Variants in SLC12A7 observed in about 807,000 individuals in gnomAD.
The protein encoded by SLC12A7 is solute carrier family 12 member 7, also known as K-Cl cotransporter 4.
SLC12A7 carries 100 observed loss-of-function variants against 120.6 expected under a neutral mutation model. The ratio of observed to expected loss-of-function variants is 0.83; its 90% CI spans 0.71 to 0.98. The LOEUF (loss-of-function observed/expected upper bound fraction) is 0.98. SLC12A7 is among the 50% of genes least tolerant of loss of function. The probability of loss-of-function intolerance (pLI) is 0.00; values close to 1 mark genes in which losing one functional copy is unlikely to be tolerated. For synonymous variants in SLC12A7, 760 were observed against 678.0 expected (o/e 1.12, Z -1.88); for missense variants, 1,373 against 1,548.1 (o/e 0.89, Z 1.90).
At chr5:1,143,032 C>T in the SLC12A7 span, among the ~76,000 whole-genome samples, 61 of 152,056 alleles carry the variant, frequency 4.0e-4, no homozygotes, top group Non-Finnish European at 6.3e-4. Context: ...GTTCCCGTGC[C>T]GGGCACCACA....
the SLC12A7 span, among the ~76,000 whole-genome samples, chr5:1,125,268 AGTGTGTGTGT>A: frequency 1.5e-4 from 23 of 150,368 alleles, no homozygotes; most frequent in Non-Finnish European, 2.1e-4. Flanking sequence ...TTTAAACGAA[AGTGTGTGTGT>A]GTGTGTGTGT....
Position 1,088,359 on chromosome 5 carries a change from G to A in SLC12A7, c.491C>T (p.Thr164Ile). 1 of 1,578,932 alleles carries A rather than the reference G, an allele frequency of 6.3e-7. No homozygotes were observed. The highest frequency in any genetic ancestry group is 8.6e-7 in the Non-Finnish European group (1 of 1,162,418). Residue 164 changes from threonine (T) to isoleucine (I), a missense_variant and splice_region_variant, in exon 5 of 24, where the codon ACA becomes ATA. Transcript: ENST00000264930. ...ACTCATGGAAATGGCGGTCAGCATT[G>A]TCTGCAAAAAGACAGGCAGCCATCT... The part of the protein sequence containing the change: ...FLIVAMCCTC[T>I]MLTAISMSAI...
chr5:1,090,122 G>C (rs913951433), intron 3 of SLC12A7, among the ~76,000 whole-genome samples: 3 of 152,254 alleles, frequency 2.0e-5, no homozygotes, highest in South Asian at 2.1e-4. Flanking sequence ...CCCAGGCCTG[G>C]GGAGGATGGG....
At chr5:1,089,449 G>C (rs1390110229) in intron 3 of SLC12A7, among the ~76,000 whole-genome samples, 1 of 152,072 alleles carries the variant, frequency 6.6e-6, no homozygotes, top group Non-Finnish European at 1.5e-5. Context: ...GAGAACGAGA[G>C]GGCCCCCGGC....
chr5:1,116,395 G>T (rs946052279), upstream of SLC12A7, among the ~76,000 whole-genome samples: 1 of 152,204 alleles, frequency 6.6e-6, no homozygotes, highest in Non-Finnish European at 1.5e-5. Flanking sequence ...AGCCTCCCCC[G>T]GGTCCTGTGC....
At chr5:1,102,069 C>G (rs1222871218) in intron 1 of SLC12A7, among the ~76,000 whole-genome samples, 1 of 152,218 alleles carries the variant, frequency 6.6e-6, no homozygotes, top group African/African-American at 2.4e-5. Flanking sequence ...GTAAGCAGAT[C>G]CTGATGGGCT....
At chr5:1,088,906 C>T (rs557772888) in intron 4 of SLC12A7, 76 bp downstream of exon 4, 43 of 1,567,534 alleles carry the variant, frequency 2.7e-5, no homozygotes, top group East Asian at 2.0e-4. Flanking sequence ...CCAGGGGAGA[C>T]GGCATCTGGG....
the SLC12A7 span, among the ~76,000 whole-genome samples, chr5:1,139,059 G>A: frequency 9.5e-6 from 1 of 104,842 alleles, no homozygotes; most frequent in Non-Finnish European, 1.8e-5. Context: ...CCTCACCCAA[G>A]CTTGGGGTGG....
chr5:1,086,772 C>G, intron 6 of SLC12A7, 131 bp downstream of exon 6: 1 of 1,279,862 alleles, frequency 7.8e-7, no homozygotes, highest in South Asian at 1.4e-5. Flanking sequence ...CAGGAGAGCC[C>G]AGGGGCAGCC....
At chr5:1,142,558 C>T in the SLC12A7 span, among the ~76,000 whole-genome samples, 1 of 127,130 alleles carries the variant, frequency 7.9e-6, no homozygotes, top group East Asian at 2.4e-4. Context: ...GTGTGTCTCT[C>T]TCTCTGTCTC....
chr5:1,102,873 C>G (rs1470043694), intron 1 of SLC12A7, among the ~76,000 whole-genome samples: 1 of 152,124 alleles, frequency 6.6e-6, no homozygotes, highest in African/African-American at 2.4e-5. Context: ...CCCAGGAGCA[C>G]CCCCCACCCA....
In SLC12A7 at chr5:1,050,989, T is replaced by C. The variant is rs1734973899; in HGVS notation, c.*1371A>G. On this transcript the variant is annotated 3_prime_UTR_variant, in exon 24 of 24. Transcript: ENST00000264930. ...AGGCCTGGCCATCTGGGGCCTCTAG[T>C]ATATAGAAGCAACCTCTTTATGGAC... The C allele has an allele frequency of 2.5e-6, 1 of 398,496 alleles. No individual in the cohort carries two copies. The highest frequency in any genetic ancestry group is 4.4e-5 in the Admixed American group (1 of 22,720). 24.7% of individuals were successfully genotyped at this position (398,496 alleles called of 1,614,324 possible). A position where few individuals can be genotyped will look rare whatever the true frequency, so the allele number is the denominator to read the frequency against.
the SLC12A7 span, among the ~76,000 whole-genome samples, chr5:1,132,241 C>G: frequency 6.6e-6 from 1 of 152,062 alleles, no homozygotes; most frequent in South Asian, 2.1e-4. Flanking sequence ...ACAGAGGCCA[C>G]GGCAACGTCG....
In SLC12A7 at chr5:1,089,090, C is replaced by A. The variant is rs34615851; in HGVS notation, c.381G>T (p.Pro127=). The part of the protein sequence containing the change: ...RMGTFIGVYL[P]CLQNILGVIL... ...TGACGCCCAGGATGTTCTGCAGGCA[C>A]GGCAGGTAGACGCCGATGAAGGTGC... is the stretch of plus-strand genomic sequence containing the variant. The change falls in exon 4 of 24, where the codon CCG becomes CCT. Residue 127 remains proline, a synonymous_variant. Transcript: ENST00000264930. 16 of 1,612,792 alleles carry A rather than the reference C, an allele frequency of 9.9e-6. No homozygotes were observed. In the Admixed American group the frequency reaches 1.2e-4, roughly 12 times the overall value.
At chr5:1,063,591 C>T (rs1350754994) in intron 20 of SLC12A7, among the ~76,000 whole-genome samples, 2 of 152,078 alleles carry the variant, frequency 1.3e-5, no homozygotes, top group Non-Finnish European at 1.5e-5. Flanking sequence ...GCAGCCCCCG[C>T]CACAATCGCC....
chr5:1,087,124 G>A (rs1739952517), intron 5 of SLC12A7, 91 bp from the exon 6 acceptor site: 3 of 1,461,124 alleles, frequency 2.1e-6, no homozygotes, highest in South Asian at 1.4e-5. Flanking sequence ...GGGCAAAGGA[G>A]GGCCTGTCTC....
At chr5:1,129,336 G>A in the SLC12A7 span, among the ~76,000 whole-genome samples, 5 of 152,154 alleles carry the variant, frequency 3.3e-5, no homozygotes, top group African/African-American at 1.2e-4. Context: ...CCCCACCTCC[G>A]AAGTCCAGTC....
chr5:1,105,931 A>AG (rs1284839304), intron 1 of SLC12A7, among the ~76,000 whole-genome samples: 1 of 151,942 alleles, frequency 6.6e-6, no homozygotes, highest in East Asian at 1.9e-4. Flanking sequence ...TGGGAGGGGG[A>AG]GGTCTACCCC....
the SLC12A7 span, among the ~76,000 whole-genome samples, chr5:1,138,563 T>C: frequency 1.3e-5 from 2 of 152,206 alleles, no homozygotes; most frequent in African/African-American, 4.8e-5. Flanking sequence ...CCTCGTCTGT[T>C]TCTGATTTGC....
Sources: gnomAD v4.1 joint callset for allele counts (sites outside exome capture counted in the v4.1 genomes callset) on GRCh38, gnomAD v4.1.1 for gene constraint, MANE v1.5 for transcripts, NCBI Gene and HGNC (gene_info 2026-07-23, HGNC 2026-07-21) for gene names.